Variants in CUL2 observed in about 807,000 individuals in gnomAD.
The protein encoded by CUL2 is cullin-2.
CUL2 carries 22 observed loss-of-function variants against 110.2 expected under a neutral mutation model. The ratio of observed to expected loss-of-function variants is 0.20; its 90% CI spans 0.14 to 0.28. The LOEUF (loss-of-function observed/expected upper bound fraction) is 0.28. CUL2 is among the 10% of genes least tolerant of loss of function. CUL2 has a pLI of 1.00. For missense variants in CUL2, 631 were observed against 905.5 expected (o/e 0.70, Z 3.89); for synonymous variants, 279 against 293.2 (o/e 0.95, Z 0.49).
chr10:35,125,453 A>T lies in CUL2; in HGVS notation c.-51+1152T>A, dbSNP rs930269845. Among the ~76,000 whole-genome samples the T allele has an allele frequency of 4.6e-5, 7 of 152,226 alleles. 1 individual carries two copies. The highest frequency in any genetic ancestry group is 1.4e-4 in the African/African-American group (6 of 41,442). ...TCATATGAACTCCTGTTACAGAGAC[A>T]ATTGTTGTGGATACATTCCCTTTGA... On this transcript the variant is annotated intron_variant, in intron 1 of 5. Transcript: ENST00000685421.
chr10:35,102,488 C>G (rs966264736), intron 1 of CUL2, among the ~76,000 whole-genome samples: 1 of 152,050 alleles, frequency 6.6e-6, no homozygotes, highest in Non-Finnish European at 1.5e-5. Flanking sequence ...ATGAGAATCA[C>G]TGGAACCTGG....
chr10:35,025,465 T>C (rs1337755056), intron 16 of CUL2, among the ~76,000 whole-genome samples: 1 of 152,228 alleles, frequency 6.6e-6, no homozygotes, highest in Non-Finnish European at 1.5e-5. Context: ...TGACTTTCTG[T>C]ATGACACAGT....
At chr10:35,032,262 A>T (rs1203801607) in intron 12 of CUL2, among the ~76,000 whole-genome samples, 173 bp downstream of exon 12, 2 of 152,230 alleles carry the variant, frequency 1.3e-5, no homozygotes, top group Non-Finnish European at 2.9e-5. Context: ...ATTCTTTAAG[A>T]CACATAGTAT....
chr10:35,057,122 T>C (rs112103431), intron 4 of CUL2, among the ~76,000 whole-genome samples: 2 of 152,336 alleles, frequency 1.3e-5, no homozygotes, highest in Non-Finnish European at 2.9e-5. Context: ...CTGCCTAGCA[T>C]AGAAGCAGAT....
chr10:35,107,658 G>A (rs1036677059), intron 1 of CUL2, among the ~76,000 whole-genome samples: 4 of 151,200 alleles, frequency 2.6e-5, no homozygotes, highest in African/African-American at 9.7e-5. Flanking sequence ...CGAGGCGGGT[G>A]AATCACGAGG....
rs1453539006 is a variant in CUL2, at chr10:35,009,725, T to C, written c.*586A>G. The C allele has an allele frequency of 6.6e-6, 1 of 152,634 alleles. No individual in the cohort carries two copies. The highest frequency in any genetic ancestry group is 1.5e-5 in the Non-Finnish European group (1 of 68,048). 9.5% of individuals were successfully genotyped at this position (152,634 alleles called of 1,614,324 possible). A position where few individuals can be genotyped will look rare whatever the true frequency, so the allele number is the denominator to read the frequency against. On this transcript the variant is annotated 3_prime_UTR_variant, in exon 21 of 21. Coordinates refer to ENST00000374749, the MANE Select transcript of CUL2 (RefSeq NM_003591.4). ...GTCAAGAACAATAATCTAGACATTT[T>C]TCATGTAGGATTTAAATAGGAGTAC...
At chr10:35,091,256 C>T (rs969705279), upstream of CUL2, among the ~76,000 whole-genome samples, 3 of 152,172 alleles carry the variant, frequency 2.0e-5, no homozygotes, top group African/African-American at 7.2e-5. Flanking sequence ...CCATCAGGGT[C>T]TTGTTCATTT....
intron 6 of CUL2, among the ~76,000 whole-genome samples, chr10:35,046,090 C>G (rs187846000): frequency 2.6e-5 from 4 of 152,302 alleles, no homozygotes; most frequent in Admixed American, 2.6e-4. Context: ...TTGATTCTTC[C>G]TTTAATTATT....
At chr10:35,016,503 A>T in intron 17 of CUL2, 109 bp from the exon 18 acceptor site, 1 of 859,076 alleles carries the variant, frequency 1.2e-6, no homozygotes, top group African/African-American at 1.7e-5. Context: ...AATTTTATTA[A>T]ATTGTTGTAA....
chr10:35,048,466 GAT>G (rs2086008050), intron 6 of CUL2, among the ~76,000 whole-genome samples: 1 of 152,080 alleles, frequency 6.6e-6, no homozygotes, highest in Non-Finnish European at 1.5e-5. Context: ...TATTAAAAAA[GAT>G]ATTTCACAAA....
At chr10:35,030,125 T>C (rs1471432756) in intron 14 of CUL2, among the ~76,000 whole-genome samples, 1 of 152,196 alleles carries the variant, frequency 6.6e-6, no homozygotes, top group East Asian at 1.9e-4. Flanking sequence ...TAGCTGGGAC[T>C]ATTGGCACAT....
At chr10:35,057,554 G>C (rs1038898330) in intron 4 of CUL2, among the ~76,000 whole-genome samples, 6 of 151,692 alleles carry the variant, frequency 4.0e-5, no homozygotes, top group Admixed American at 2.0e-4. Context: ...TCAGGAGGCT[G>C]AGGCAGGAGA....
upstream of CUL2, among the ~76,000 whole-genome samples, chr10:35,092,419 T>A (rs1237483582): frequency 6.6e-6 from 1 of 152,260 alleles, no homozygotes; most frequent in Non-Finnish European, 1.5e-5. Flanking sequence ...TTAAGGCTAT[T>A]GATTTAGGAA....
intron 5 of CUL2, among the ~76,000 whole-genome samples, chr10:35,053,290 T>C (rs1038995527): frequency 6.6e-6 from 1 of 152,236 alleles, no homozygotes; most frequent in African/African-American, 2.4e-5. Context: ...GTATTTCTCA[T>C]TGATCTTTTT....
At chr10:35,106,642 T>C (rs975092233) in intron 1 of CUL2, among the ~76,000 whole-genome samples, 4 of 151,974 alleles carry the variant, frequency 2.6e-5, no homozygotes, top group African/African-American at 9.7e-5. Flanking sequence ...AAATGTTTGT[T>C]GTTTATAAGC....
intron 2 of CUL2, among the ~76,000 whole-genome samples, chr10:35,069,584 A>G (rs111881291): frequency 0.041 from 6,189 of 152,164 alleles, 406 homozygotes; most frequent in African/African-American, 0.14. Flanking sequence ...ACTAAACCAT[A>G]TTAGATGGAC....
At chr10:35,010,489 T>TA (rs2084872329) in intron 20 of CUL2, 47 bp from the exon 21 acceptor site, 3 of 1,556,982 alleles carry the variant, frequency 1.9e-6, no homozygotes, top group Non-Finnish European at 2.6e-6. Context: ...TCTTCAGCTA[T>TA]TAAGTAATGA....
At chr10:35,060,517 A>G (rs1589017337) in intron 4 of CUL2, among the ~76,000 whole-genome samples, 1 of 152,328 alleles carries the variant, frequency 6.6e-6, no homozygotes, top group East Asian at 1.9e-4. Context: ...AAATAAGAAC[A>G]TATCGAGGGG....
At position 35,038,369 on chromosome 10, in the gene CUL2, C is replaced by CA. The variant is rs1024322922; in HGVS notation, c.877+550dup. ...TGAAACCCTGTCTCTACTAAAAGTA[C>CA]AAAAAAATTAGCCAGGTGTGGTGAT... On this transcript the variant is annotated intron_variant, in intron 9 of 20. Transcript: ENST00000374749. Among the ~76,000 whole-genome samples, 5 of 150,042 alleles carry CA rather than the reference C, an allele frequency of 3.3e-5. No individual in the cohort carries two copies. In the South Asian group the frequency reaches 6.3e-4, roughly 19 times the overall value.
Sources: allele counts gnomAD v4.1 joint callset (sites outside exome capture counted in the v4.1 genomes callset), GRCh38; gene constraint gnomAD v4.1.1; transcripts MANE v1.5; gene names NCBI Gene and HGNC (gene_info 2026-07-23, HGNC 2026-07-21).